NT5DC1: variants seen among roughly 807,000 people sequenced by gnomAD.
NT5DC1 encodes 5'-nucleotidase domain-containing protein 1.
NT5DC1 carries 42 observed loss-of-function variants against 59.4 expected under a neutral mutation model. The ratio of observed to expected loss-of-function variants is 0.71; its 90% CI spans 0.55 to 0.92. The LOEUF is 0.92. Among genes scored for constraint, NT5DC1 ranks in the 40% least tolerant of loss-of-function variants. NT5DC1 has a pLI of 0.00. For missense variants in NT5DC1, 501 were observed against 537.1 expected, an observed-to-expected ratio of 0.93 and a Z score of 0.66; for synonymous variants, 172 against 188.1, an observed-to-expected ratio of 0.91 and a Z score of 0.70.
At chr6:116,183,222 C>T (rs575708177) in intron 6 of NT5DC1, among the ~76,000 whole-genome samples, 2 of 152,158 alleles carry the variant, frequency 1.3e-5, no homozygotes, top group South Asian at 4.1e-4. Flanking sequence ...TATTCTGTTC[C>T]ATTGGTCTGT....
At chr6:116,201,086 C>T (rs538610108) in intron 6 of NT5DC1, among the ~76,000 whole-genome samples, 24 of 152,038 alleles carry the variant, frequency 1.6e-4, no homozygotes, top group Non-Finnish European at 2.8e-4. Flanking sequence ...GAGTGAAGTA[C>T]CAACTTGCCC....
chr6:116,103,901 A>T (rs534607426), intron 1 of NT5DC1, among the ~76,000 whole-genome samples: 1 of 152,294 alleles, frequency 6.6e-6, no homozygotes. Context: ...CTAAAAAAAA[A>T]TTATTTGTTT....
chr6:116,102,944 G>A (rs1449702484), intron 1 of NT5DC1, among the ~76,000 whole-genome samples: 3 of 152,230 alleles, frequency 2.0e-5, no homozygotes, highest in Non-Finnish European at 2.9e-5. Context: ...CATCCCATCA[G>A]GCCTCATCTT....
At chr6:116,187,370 A>G (rs1781022998) in intron 6 of NT5DC1, among the ~76,000 whole-genome samples, 1 of 152,092 alleles carries the variant, frequency 6.6e-6, no homozygotes. Context: ...TCATGCCACA[A>G]TTTATATGGA....
chr6:116,247,868 C>G lies in NT5DC1; in HGVS notation c.*3844C>G, dbSNP rs1335991015. On this transcript the variant is annotated 3_prime_UTR_variant, in exon 12 of 12. Coordinates refer to ENST00000319550, the MANE Select transcript of NT5DC1 (RefSeq NM_152729.3). ...ACTTACAATGCTTAGCAGCTAAATT[C>G]CATGAGTATAACGTTTAATGTCTTT... 2 of 152,188 alleles carry G rather than the reference C, an allele frequency of 1.3e-5. No homozygotes were observed. Among genetic ancestry groups the G allele is most frequent in the Non-Finnish European group, 2.9e-5 (2 of 68,032 alleles). The allele number at this position is 152,188 out of a possible 1,614,324, so 9.4% of individuals were successfully genotyped here.
Position 116,218,787 on chromosome 6 carries a change from T to G in NT5DC1, c.530-2267T>G, listed in dbSNP as rs1781736694. 2.0e-5 allele frequency among the ~76,000 whole-genome samples: 3 copies of G among 152,176 alleles called. No individual in the cohort carries two copies. The South Asian group carries it at 6.2e-4, about 31-fold the overall frequency. ...TGGTCTTCTAAATATTATTCTCATA[T>G]TGCAAAATATTATTTCTTTTGTTAG... On this transcript the variant is annotated intron_variant, in intron 6 of 11. Transcript: ENST00000319550.
chr6:116,234,072 T>C (rs1189054613), intron 8 of NT5DC1, among the ~76,000 whole-genome samples: 2 of 144,114 alleles, frequency 1.4e-5, no homozygotes, highest in African/African-American at 5.1e-5. Flanking sequence ...GCAATTCTCC[T>C]GCTTCAGCCT....
intron 11 of NT5DC1, among the ~76,000 whole-genome samples, chr6:116,240,754 A>G (rs1190537562): frequency 1.3e-5 from 2 of 152,260 alleles, no homozygotes; most frequent in Non-Finnish European, 2.9e-5. Flanking sequence ...AACAGAGGAG[A>G]GTCAAAGACA....
At chr6:116,176,395 T>C (rs962411665) in intron 6 of NT5DC1, among the ~76,000 whole-genome samples, 4 of 152,222 alleles carry the variant, frequency 2.6e-5, no homozygotes, top group Admixed American at 2.6e-4. Context: ...TTCTCTGTTC[T>C]GGCTCAGTCT....
At chr6:116,125,245 A>G (rs1409617403) in intron 6 of NT5DC1, 6 of 1,435,020 alleles carry the variant, frequency 4.2e-6, no homozygotes, top group East Asian at 2.3e-5. Context: ...GGAAAGTAAC[A>G]CCAAAGTTAA....
At chr6:116,135,924 A>G (rs372527358) in intron 6 of NT5DC1, among the ~76,000 whole-genome samples, 9 of 149,632 alleles carry the variant, frequency 6.0e-5, no homozygotes, top group East Asian at 1.9e-4. Flanking sequence ...GCTAATTAAC[A>G]TATCCATTAC....
At chr6:116,216,893 C>T (rs1781697138) in intron 6 of NT5DC1, among the ~76,000 whole-genome samples, 1 of 152,136 alleles carries the variant, frequency 6.6e-6, no homozygotes, top group Non-Finnish European at 1.5e-5. Context: ...TGTTCACTAG[C>T]GTGCTCTTAT....
intron 3 of NT5DC1, among the ~76,000 whole-genome samples, chr6:116,109,398 C>G (rs977038907): frequency 2.4e-4 from 36 of 152,346 alleles, no homozygotes; most frequent in African/African-American, 8.7e-4. Context: ...TGTGTAAATG[C>G]AGCTTTGTCT....
intron 6 of NT5DC1, among the ~76,000 whole-genome samples, chr6:116,154,572 A>G (rs568650006): frequency 8.5e-5 from 13 of 152,316 alleles, no homozygotes; most frequent in African/African-American, 3.1e-4. Flanking sequence ...TTTTTTAAAA[A>G]ATGCTAGAAC....
intron 6 of NT5DC1, chr6:116,120,046 C>T: frequency 6.5e-7 from 1 of 1,535,820 alleles, no homozygotes; most frequent in Non-Finnish European, 8.7e-7. Context: ...TTTTCTAGCA[C>T]AAGATTTAGA....
rs1386550737 is a variant in NT5DC1 at position 116,247,270 on chromosome 6, C to T, written c.*3246C>T. ...ATCTTTAAGTAATTCATAATTTAGCCAAATATATTAAATATCTGTAATATA... is the reference window on the plus strand; with the variant it reads ...ATCTTTAAGTAATTCATAATTTAGCTAAATATATTAAATATCTGTAATATA... On this transcript the variant is annotated 3_prime_UTR_variant, in exon 12 of 12. Transcript: ENST00000319550. The T allele has an allele frequency of 1.3e-5, 2 of 152,024 alleles. No individual in the cohort carries two copies. The highest frequency in any genetic ancestry group is 2.9e-5 in the Non-Finnish European group (2 of 67,996). 9.4% of individuals were successfully genotyped at this position (152,024 alleles called of 1,614,324 possible).
intron 6 of NT5DC1, among the ~76,000 whole-genome samples, chr6:116,164,774 T>G (rs1175637575): frequency 6.6e-6 from 1 of 152,158 alleles, no homozygotes; most frequent in Non-Finnish European, 1.5e-5. Flanking sequence ...TCCTTAGCAT[T>G]TGTTTGTTTG....
intron 6 of NT5DC1, among the ~76,000 whole-genome samples, chr6:116,207,078 A>C (rs1306502225): frequency 1.3e-5 from 2 of 151,920 alleles, no homozygotes; most frequent in Non-Finnish European, 2.9e-5. Flanking sequence ...AAAGAATGTA[A>C]TTTTTTATTA....
At chr6:116,219,606 C>T (rs1008996278) in intron 6 of NT5DC1, among the ~76,000 whole-genome samples, 14 of 152,126 alleles carry the variant, frequency 9.2e-5, no homozygotes, top group African/African-American at 3.4e-4. Flanking sequence ...GGGAGGCAGA[C>T]CACAATATTT....
Sources: gnomAD v4.1 joint callset for allele counts (sites outside exome capture counted in the v4.1 genomes callset) on GRCh38, gnomAD v4.1.1 for gene constraint, MANE v1.5 for transcripts, NCBI Gene and HGNC (gene_info 2026-07-23, HGNC 2026-07-21) for gene names.